EYS: variants seen among roughly 807,000 people sequenced by gnomAD.
EYS encodes EGF-like photoreceptor maintenance factor.
In EYS, 250 loss-of-function variants were observed where a neutral mutation model predicts 282.1. The ratio of observed to expected loss-of-function variants is 0.89; its 90% confidence interval spans 0.80 to 0.98. The LOEUF is 0.98. Ranked by LOEUF, EYS falls within the 50% of genes least tolerant of loss-of-function variation. The pLI, the probability that EYS is intolerant of heterozygous loss-of-function variation, is 0.00. For missense variants in EYS, 4,016 were observed against 3,709.0 expected (o/e 1.08, Z -2.15); for synonymous variants, 1,355 against 1,282.9 (o/e 1.06, Z -1.20).
At chr6:64,280,471 G>A (rs1465155345) in intron 30 of EYS, among the ~76,000 whole-genome samples, 2 of 152,112 alleles carry the variant, frequency 1.3e-5, no homozygotes, top group African/African-American at 4.8e-5. Context: ...AGTCAAACTT[G>A]TAGATGTGTG....
chr6:64,893,716 C>A (rs1767362700), intron 18 of EYS, among the ~76,000 whole-genome samples: 1 of 151,770 alleles, frequency 6.6e-6, no homozygotes, highest in African/African-American at 2.4e-5. Flanking sequence ...TGCCCATCAC[C>A]CATATTTAAC....
At chr6:64,269,502 A>G (rs777870941) in intron 30 of EYS, among the ~76,000 whole-genome samples, 2 of 152,038 alleles carry the variant, frequency 1.3e-5, no homozygotes, top group Non-Finnish European at 2.9e-5. Flanking sequence ...ACCTAAAACC[A>G]ACCAACCGAC....
intron 2 of EYS, among the ~76,000 whole-genome samples, chr6:65,512,985 A>T (rs1218631670): frequency 6.6e-6 from 1 of 152,208 alleles, no homozygotes; most frequent in Non-Finnish European, 1.5e-5. Context: ...CCTTCAAAAA[A>T]TTAATGAATC....
chr6:64,270,363 T>C (rs1045811238), intron 30 of EYS, among the ~76,000 whole-genome samples: 1 of 151,866 alleles, frequency 6.6e-6, no homozygotes, highest in African/African-American at 2.4e-5. Context: ...AAGAAGATAA[T>C]GATGAAGATT....
chr6:65,630,894 G>A (rs1458279033), intron 2 of EYS, among the ~76,000 whole-genome samples: 16 of 152,106 alleles, frequency 1.1e-4, no homozygotes, highest in Admixed American at 3.3e-4. Flanking sequence ...GTTAACAACC[G>A]TATTGTTTGG....
chr6:64,105,450 C>A (rs756385742), intron 31 of EYS, among the ~76,000 whole-genome samples: 19 of 152,044 alleles, frequency 1.2e-4, no homozygotes, highest in African/African-American at 4.6e-4. Flanking sequence ...ACTGAAACAT[C>A]GTCAAAGTCT....
At chr6:65,631,236 G>C (rs1302345918) in intron 2 of EYS, among the ~76,000 whole-genome samples, 1 of 152,110 alleles carries the variant, frequency 6.6e-6, no homozygotes, top group Admixed American at 6.5e-5. Flanking sequence ...CCACCTTCTG[G>C]ACACAAGGTA....
chr6:65,316,263 T>C (rs1769292469), intron 11 of EYS, among the ~76,000 whole-genome samples: 1 of 152,290 alleles, frequency 6.6e-6, no homozygotes, highest in East Asian at 1.9e-4. Context: ...AATGTATCCA[T>C]CTTTTCTTAT....
At chr6:64,133,476 TCACACACACACACACA>T (rs61088369) in intron 31 of EYS, among the ~76,000 whole-genome samples, 1,649 of 142,456 alleles carry the variant, frequency 0.012, 30 homozygotes, top group African/African-American at 0.038. Context: ...TTGCATTACT[TCACACACACACACACA>T]CACACACACA....
At chr6:65,436,042 G>A (rs920288182) in intron 5 of EYS, among the ~76,000 whole-genome samples, 55 of 151,772 alleles carry the variant, frequency 3.6e-4, no homozygotes, top group Non-Finnish European at 2.4e-4. Flanking sequence ...TTTTACGATT[G>A]TCCTAACAAA....
At chr6:64,707,518 A>C (rs1410843691) in intron 22 of EYS, among the ~76,000 whole-genome samples, 1 of 151,992 alleles carries the variant, frequency 6.6e-6, no homozygotes, top group Non-Finnish European at 1.5e-5. Flanking sequence ...GAATACAAAA[A>C]ATTAGCCGGG....
intron 12 of EYS, among the ~76,000 whole-genome samples, chr6:65,179,771 C>T (rs1765326201): frequency 6.6e-6 from 1 of 151,954 alleles, no homozygotes; most frequent in African/African-American, 2.4e-5. Flanking sequence ...AATTTTAGAC[C>T]AATATCCTTG....
chr6:65,677,698 A>T (rs1180850987), intron 1 of EYS, among the ~76,000 whole-genome samples: 1 of 152,016 alleles, frequency 6.6e-6, no homozygotes, highest in Non-Finnish European at 1.5e-5. Flanking sequence ...AGAAATAGAC[A>T]AAATAATCCT....
chr6:64,782,804 T>G (rs1773901105), intron 22 of EYS, among the ~76,000 whole-genome samples: 2 of 152,214 alleles, frequency 1.3e-5, no homozygotes, highest in South Asian at 2.1e-4. Flanking sequence ...ATATATTTTT[T>G]GTTCACCATT....
intron 26 of EYS, among the ~76,000 whole-genome samples, chr6:64,477,551 C>A (rs4142182): frequency 2.1e-3 from 312 of 151,842 alleles, no homozygotes; most frequent in African/African-American, 6.8e-3. Context: ...CCACATGGCC[C>A]GTTGCTGATC....
At chr6:65,101,662 A>G (rs568927510) in intron 12 of EYS, among the ~76,000 whole-genome samples, 1 of 151,344 alleles carries the variant, frequency 6.6e-6, no homozygotes, top group Non-Finnish European at 1.5e-5. Context: ...ACTGTCCTGG[A>G]CCAAATTGCA....
chr6:65,138,604 C>T (rs1776088376), intron 12 of EYS, among the ~76,000 whole-genome samples: 1 of 151,972 alleles, frequency 6.6e-6, no homozygotes, highest in African/African-American at 2.4e-5. Context: ...CGAGAAATAA[C>T]ATATTGGTGA....
At position 64,132,932 on chromosome 6, in the gene EYS, G is replaced by C. The variant is rs142678320; in HGVS notation, c.6425-50930C>G. On this transcript the variant is annotated intron_variant, in intron 31 of 42. Coordinates refer to ENST00000503581, the MANE Select transcript of EYS (RefSeq NM_001142800.2). ...TATAAATGTGGATTTTCACTATAGT[G>C]TACCATTCTGTTTTTATGTTTATAT... Among the ~76,000 whole-genome samples, 33 of 151,936 alleles carry C rather than the reference G, an allele frequency of 2.2e-4. No homozygotes were observed. The East Asian group carries it at 6.2e-3, about 28-fold the overall frequency.
chr6:64,386,814 T>G (rs375078586), intron 29 of EYS, among the ~76,000 whole-genome samples: 5 of 152,190 alleles, frequency 3.3e-5, no homozygotes, highest in Admixed American at 2.6e-4. Flanking sequence ...AATACCTTTT[T>G]TGTTTAATTA....
Sources: gnomAD v4.1 joint callset for allele counts (sites outside exome capture counted in the v4.1 genomes callset) on GRCh38, gnomAD v4.1.1 for gene constraint, MANE v1.5 for transcripts, NCBI Gene and HGNC (gene_info 2026-07-23, HGNC 2026-07-21) for gene names.